UBAC2: variants seen among roughly 807,000 people sequenced by gnomAD.
UBAC2 encodes the protein ubiquitin-associated domain-containing protein 2.
UBAC2 carries 26 observed loss-of-function variants against 44.0 expected under a neutral mutation model. That is an observed-to-expected ratio of 0.59 (90% CI 0.43 to 0.82). The LOEUF (loss-of-function observed/expected upper bound fraction) is 0.82. UBAC2 is among the 40% of genes least tolerant of loss of function. The pLI is 0.00. For missense variants in UBAC2, 329 were observed against 419.4 expected (o/e 0.78, Z 1.88); for synonymous variants, 155 against 154.3 (o/e 1.00, Z -0.04).
At chr13:99,289,758 G>C (rs1594091714) in intron 4 of UBAC2, among the ~76,000 whole-genome samples, 1 of 152,154 alleles carries the variant, frequency 6.6e-6, no homozygotes, top group Non-Finnish European at 1.5e-5. Flanking sequence ...AATGCAGTTG[G>C]GTGGGGCATG....
At chr13:99,354,921 C>T (rs1752530723) in intron 7 of UBAC2, among the ~76,000 whole-genome samples, 1 of 151,730 alleles carries the variant, frequency 6.6e-6, no homozygotes. Flanking sequence ...AATCAGTAGT[C>T]CTTCAGCGTT....
chr13:99,376,729 C>A (rs2045484742), intron 8 of UBAC2, among the ~76,000 whole-genome samples: 1 of 152,178 alleles, frequency 6.6e-6, no homozygotes, highest in South Asian at 2.1e-4. Flanking sequence ...AGGAAGGAAT[C>A]ATTTCGATTT....
chr13:99,242,213 C>T (rs1274608249), intron 2 of UBAC2, among the ~76,000 whole-genome samples: 68 of 152,208 alleles, frequency 4.5e-4, no homozygotes, highest in African/African-American at 9.9e-4. Context: ...TCCACAAAAC[C>T]GCCATTGTCA....
At chr13:99,360,380 A>T (rs1034278990) in intron 7 of UBAC2, among the ~76,000 whole-genome samples, 1 of 152,116 alleles carries the variant, frequency 6.6e-6, no homozygotes, top group African/African-American at 2.4e-5. Flanking sequence ...TGATTCTCAT[A>T]CTCTCCATGT....
chr13:99,353,799 G>A (rs191780050), intron 7 of UBAC2, among the ~76,000 whole-genome samples: 106 of 152,284 alleles, frequency 7.0e-4, no homozygotes, highest in African/African-American at 2.3e-3. Context: ...GACCACTGGA[G>A]TACCCATGAG....
intron 4 of UBAC2, among the ~76,000 whole-genome samples, chr13:99,262,148 T>A (rs1490456802): frequency 6.6e-6 from 1 of 152,232 alleles, no homozygotes; most frequent in African/African-American, 2.4e-5. Flanking sequence ...GTGATCAGGT[T>A]TACTGTCACA....
At position 99,368,204 on chromosome 13, in the gene UBAC2, T is replaced by A. The variant is rs74243328; in HGVS notation, c.927+298T>A. ...AATGAGATTGGTTCTCTGTGAAGGA[T>A]CGGGGACAAGGAGGTGGGAGGATGG... On this transcript the variant is annotated intron_variant, in intron 8 of 8. Transcript: ENST00000403766. Among the ~76,000 whole-genome samples, 3 of 152,260 alleles carry A rather than the reference T, an allele frequency of 2.0e-5. No individual in the cohort carries two copies. The East Asian group carries it at 5.8e-4, about 29-fold the overall frequency.
intron 4 of UBAC2, among the ~76,000 whole-genome samples, chr13:99,288,398 CAGTT>C (rs2044047867): frequency 6.6e-6 from 1 of 152,308 alleles, no homozygotes; most frequent in Non-Finnish European, 1.5e-5. Context: ...AGAAGCCACA[CAGTT>C]AGCATGCAGA....
At chr13:99,246,593 CT>C (rs1426509335) in intron 4 of UBAC2, among the ~76,000 whole-genome samples, 1 of 152,162 alleles carries the variant, frequency 6.6e-6, no homozygotes, top group Non-Finnish European at 1.5e-5. Flanking sequence ...CTTCTTTTTC[CT>C]GCTGCACATG....
chr13:99,233,944 T>TTCTCAAG (rs2043204554), intron 1 of UBAC2, among the ~76,000 whole-genome samples: 1 of 152,130 alleles, frequency 6.6e-6, no homozygotes, highest in Non-Finnish European at 1.5e-5. Flanking sequence ...AGTCTTTTGA[T>TTCTCAAG]ACTATGAATA....
At chr13:99,215,570 G>A (rs772522594) in intron 1 of UBAC2, 13 of 1,392,862 alleles carry the variant, frequency 9.3e-6, no homozygotes, top group African/African-American at 7.1e-5. Context: ...GTCCCTCTGC[G>A]GTGAGGTACT....
At chr13:99,272,484 CTT>C in intron 4 of UBAC2, among the ~76,000 whole-genome samples, 1 of 152,246 alleles carries the variant, frequency 6.6e-6, no homozygotes, top group Non-Finnish European at 1.5e-5. Flanking sequence ...ATATGAGTGT[CTT>C]AGTAAACTCG....
intron 8 of UBAC2, 27 bp downstream of exon 8, chr13:99,367,933 C>T (rs1054560196): frequency 1.8e-5 from 28 of 1,599,106 alleles, no homozygotes; most frequent in Non-Finnish European, 2.0e-5. Context: ...ACCTGGTACT[C>T]ATTCTAAATC....
intron 4 of UBAC2, among the ~76,000 whole-genome samples, chr13:99,299,070 T>A (rs1353668536): frequency 2.6e-5 from 4 of 152,158 alleles, no homozygotes; most frequent in Non-Finnish European, 5.9e-5. Flanking sequence ...TATGAATAAT[T>A]ATTATTGTAG....
rs1378287357 is a variant in UBAC2, at chr13:99,295,118, G to T, written c.390-18979G>T. Reference sequence around the variant, plus strand: ...CATCTGCGTTTCTGTCATTTCACGTGAATTTTCTTCAGGGGCTGACTTCAC... The same window carrying T: ...CATCTGCGTTTCTGTCATTTCACGTTAATTTTCTTCAGGGGCTGACTTCAC... On this transcript the variant is annotated intron_variant, in intron 4 of 8. Transcript: ENST00000403766. The surrounding 1 kb of genome is among the most constrained non-coding windows in gnomAD (Gnocchi z 4.1). 1 of 1,614,054 alleles carries T rather than the reference G, an allele frequency of 6.2e-7. No individual in the cohort carries two copies. The highest frequency in any genetic ancestry group is 1.7e-5 in the Admixed American group (1 of 60,010).
At chr13:99,275,480 G>A (rs190795782) in intron 4 of UBAC2, among the ~76,000 whole-genome samples, 1 of 152,106 alleles carries the variant, frequency 6.6e-6, no homozygotes, top group East Asian at 1.9e-4. Flanking sequence ...TTATTGGTTT[G>A]TTGTTTTGGT....
intron 7 of UBAC2, among the ~76,000 whole-genome samples, chr13:99,359,974 G>A (rs550619699): frequency 8.5e-4 from 129 of 152,342 alleles, no homozygotes; most frequent in Middle Eastern, 6.8e-3. Context: ...ACCAAAGACT[G>A]AGAAGAAAGG....
chr13:99,329,874 A>C (rs920568783), intron 6 of UBAC2, among the ~76,000 whole-genome samples: 1 of 152,204 alleles, frequency 6.6e-6, no homozygotes, highest in African/African-American at 2.4e-5. Flanking sequence ...GAAATTGGAT[A>C]ATAGATGCTT....
chr13:99,220,144 AAGTATTAAAAT>A (rs1373679666), intron 1 of UBAC2, among the ~76,000 whole-genome samples: 6 of 152,224 alleles, frequency 3.9e-5, no homozygotes, highest in Non-Finnish European at 5.9e-5. Flanking sequence ...GATATATCTT[AAGTATTAAAAT>A]AGTACACATA....
Sources: allele counts gnomAD v4.1 joint callset (sites outside exome capture counted in the v4.1 genomes callset), GRCh38; gene constraint gnomAD v4.1.1; non-coding constraint Gnocchi (gnomAD v3.1); transcripts MANE v1.5; gene names NCBI Gene and HGNC (gene_info 2026-07-23, HGNC 2026-07-21).